The following CNGB3 variants were observed in gnomAD, a reference collection of about 807,000 sequenced individuals.
The protein encoded by CNGB3 is cyclic nucleotide-gated channel beta-3.
CNGB3 carries 86 observed loss-of-function variants against 92.8 expected under a neutral mutation model. That is an observed-to-expected ratio of 0.93 (90% confidence interval 0.78 to 1.11). The LOEUF (loss-of-function observed/expected upper bound fraction) is 1.11, where lower values mean the gene tolerates loss of function less well. Among genes scored for constraint, CNGB3 ranks in the 50% least tolerant of loss-of-function variants. CNGB3 has a pLI of 0.00. For missense variants in CNGB3, 1,026 were observed against 956.8 expected, an observed-to-expected ratio of 1.07 and a Z score of -0.95; for synonymous variants, 333 against 332.7, an observed-to-expected ratio of 1.00 and a Z score of -0.01.
chr8:86,591,948 A>G lies in CNGB3; in HGVS notation c.1781+12145T>C, dbSNP rs377247779. Among the ~76,000 whole-genome samples, 62 of 151,378 alleles carry G rather than the reference A, an allele frequency of 4.1e-4. 1 individual carries two copies. The highest frequency in any genetic ancestry group is 1.3e-3 in the African/African-American group (52 of 41,054). On this transcript the variant is annotated intron_variant, in intron 15 of 17. Transcript: ENST00000320005. ...GCGCCCCTCCCCCAGCCTCGCTGCC[A>G]CCTTGCAGTTTGATCTCAGACTGCT...
At chr8:86,643,341 C>T (rs1823228664) in intron 10 of CNGB3, among the ~76,000 whole-genome samples, 1 of 151,308 alleles carries the variant, frequency 6.6e-6, no homozygotes. Flanking sequence ...TGTTTTGAAA[C>T]TATAGTCACC....
At chr8:86,578,665 C>A in intron 17 of CNGB3, 24 bp downstream of exon 17, 1 of 1,612,056 alleles carries the variant, frequency 6.2e-7, no homozygotes, top group Non-Finnish European at 8.5e-7. Flanking sequence ...CCATGACAGC[C>A]GTCCATTCAC....
At chr8:86,694,111 T>C (rs1220836768) in intron 3 of CNGB3, among the ~76,000 whole-genome samples, 1 of 100,256 alleles carries the variant, frequency 1.0e-5, no homozygotes, top group Non-Finnish European at 2.0e-5. Context: ...ACGGGGCGGC[T>C]GGCCGGGCGG....
At chr8:86,649,331 A>G (rs962342902) in intron 7 of CNGB3, among the ~76,000 whole-genome samples, 2 of 151,708 alleles carry the variant, frequency 1.3e-5, no homozygotes, top group African/African-American at 4.8e-5. Context: ...TAAAATTCAT[A>G]TGGAACTGAA....
At chr8:86,613,080 C>A (rs1822550970) in intron 13 of CNGB3, among the ~76,000 whole-genome samples, 1 of 152,124 alleles carries the variant, frequency 6.6e-6, no homozygotes, top group South Asian at 2.1e-4. Context: ...CAGGAAAGTG[C>A]TCATTTGGGT....
At chr8:86,623,788 T>C (rs746288958) in intron 13 of CNGB3, among the ~76,000 whole-genome samples, 3 of 152,226 alleles carry the variant, frequency 2.0e-5, no homozygotes, top group Non-Finnish European at 2.9e-5. Flanking sequence ...TTGTTCTTCT[T>C]GTTCCTCAGG....
At chr8:86,711,625 AG>A (rs1353728156) in intron 3 of CNGB3, among the ~76,000 whole-genome samples, 1 of 152,060 alleles carries the variant, frequency 6.6e-6, no homozygotes, top group East Asian at 1.9e-4. Flanking sequence ...CTCCTCTCTC[AG>A]GGCCACTGCA....
At chr8:86,682,649 A>G (rs1227599178) in intron 3 of CNGB3, among the ~76,000 whole-genome samples, 2 of 152,134 alleles carry the variant, frequency 1.3e-5, no homozygotes, top group Non-Finnish European at 2.9e-5. Flanking sequence ...AGCTCCTGGA[A>G]GGGAGGGGTT....
intron 14 of CNGB3, among the ~76,000 whole-genome samples, chr8:86,605,045 A>G (rs1359587190): frequency 1.3e-5 from 2 of 152,138 alleles, no homozygotes; most frequent in East Asian, 1.9e-4. Flanking sequence ...TATTTTGCTC[A>G]TGTTTCTGTG....
intron 3 of CNGB3, among the ~76,000 whole-genome samples, chr8:86,692,691 A>G (rs1824344205): frequency 6.6e-6 from 1 of 152,134 alleles, no homozygotes; most frequent in Admixed American, 6.5e-5. Context: ...GCCATTCTGT[A>G]TCTTTTAAGC....
At chr8:86,627,384 C>T (rs1294951855) in intron 12 of CNGB3, among the ~76,000 whole-genome samples, 1 of 152,004 alleles carries the variant, frequency 6.6e-6, no homozygotes, top group Non-Finnish European at 1.5e-5. Context: ...TAGAGAGAGG[C>T]ATGTTGTTTT....
intron 3 of CNGB3, among the ~76,000 whole-genome samples, chr8:86,711,865 A>AT (rs1467182297): frequency 1.6e-3 from 246 of 150,206 alleles, no homozygotes; most frequent in African/African-American, 5.5e-3. Context: ...CATATAATAC[A>AT]TAGTATATAA....
intron 3 of CNGB3, among the ~76,000 whole-genome samples, chr8:86,693,422 T>A (rs200363081): frequency 0.36 from 35,979 of 99,804 alleles, 4,654 homozygotes; most frequent in South Asian, 0.46. Flanking sequence ...CATTTTTTTT[T>A]ATTATTATTA....
chr8:86,641,004 T>G (rs534145812), intron 10 of CNGB3, among the ~76,000 whole-genome samples: 2 of 151,960 alleles, frequency 1.3e-5, no homozygotes, highest in Non-Finnish European at 2.9e-5. Flanking sequence ...AAGATACAGG[T>G]AACAGAGAGC....
At chr8:86,688,416 A>G (rs1180000981) in intron 3 of CNGB3, among the ~76,000 whole-genome samples, 2 of 152,074 alleles carry the variant, frequency 1.3e-5, no homozygotes, top group Admixed American at 1.3e-4. Flanking sequence ...TTTCTGCAGC[A>G]TGATATTGAG....
Position 86,735,869 on chromosome 8 carries a change from A to G in CNGB3, c.211+3786T>C, listed in dbSNP as rs138514816. On this transcript the variant is annotated intron_variant, in intron 2 of 17. Coordinates refer to ENST00000320005, the MANE Select transcript of CNGB3 (RefSeq NM_019098.5). ...ATTAATTGGCTTACCACACCATACTAGCAATGGGAATTCAACTTTGACCCA... is the reference window on the plus strand; with the variant it reads ...ATTAATTGGCTTACCACACCATACTGGCAATGGGAATTCAACTTTGACCCA... 8.9e-3 allele frequency among the ~76,000 whole-genome samples: 1,348 copies of G among 152,290 alleles called. 19 individuals are homozygous for G. The highest frequency in any genetic ancestry group is 0.031 in the African/African-American group (1,276 of 41,558).
chr8:86,636,763 C>G (rs548998184), intron 10 of CNGB3, among the ~76,000 whole-genome samples: 67 of 152,072 alleles, frequency 4.4e-4, no homozygotes, highest in Admixed American at 8.5e-4. Flanking sequence ...TCCTCCAGCC[C>G]CTGGTAACCC....
At chr8:86,729,086 T>G (rs1825116282) in intron 2 of CNGB3, among the ~76,000 whole-genome samples, 2 of 152,100 alleles carry the variant, frequency 1.3e-5, no homozygotes, top group Non-Finnish European at 2.9e-5. Context: ...AATTTTTGTA[T>G]TTTTTGTCGA....
intron 12 of CNGB3, among the ~76,000 whole-genome samples, chr8:86,628,295 G>C (rs1413837017): frequency 6.6e-6 from 1 of 152,084 alleles, no homozygotes; most frequent in Non-Finnish European, 1.5e-5. Context: ...TGGCCAGGCT[G>C]GTCTTGAACT....
Sources: allele counts gnomAD v4.1 joint callset (sites outside exome capture counted in the v4.1 genomes callset), GRCh38; gene constraint gnomAD v4.1.1; transcripts MANE v1.5; gene names NCBI Gene and HGNC (gene_info 2026-07-23, HGNC 2026-07-21).